The following AP4B1 variants were observed in gnomAD, a reference collection of about 807,000 sequenced individuals.
AP4B1 encodes adaptor related protein complex 4 subunit beta 1.
AP4B1 carries 49 observed loss-of-function variants against 76.5 expected under a neutral mutation model. The ratio of observed to expected loss-of-function variants is 0.64; its 90% confidence interval spans 0.51 to 0.81. The LOEUF (loss-of-function observed/expected upper bound fraction) is 0.81, where lower values mean the gene tolerates loss of function less well. AP4B1 is among the 40% of genes least tolerant of loss of function. The probability of loss-of-function intolerance (pLI) is 0.00; values close to 1 mark genes in which losing one functional copy is unlikely to be tolerated. For synonymous variants in AP4B1, 330 were observed against 333.3 expected (o/e 0.99, Z 0.11); for missense variants, 911 against 904.9 (o/e 1.01, Z -0.09).
chr1:113,895,927 G>A lies in AP4B1; in HGVS notation c.1622C>T (p.Thr541Ile). 2 of 1,614,216 alleles carry A rather than the reference G, an allele frequency of 1.2e-6. No individual in the cohort carries two copies. Among genetic ancestry groups the A allele is most frequent in the South Asian group, 1.1e-5 (1 of 91,086 alleles). ...TGCCGGATCCTCCAAAAGTCCAAGA[G>A]TAGGGTCAGATTTAGGGCTACACAG... ...RILCSPKSDP[T>I]LGLLEDPAER... Residue 541 changes from threonine to isoleucine, a missense_variant, in exon 9 of 10, where the codon ACT (threonine) becomes ATT (isoleucine). Transcript: ENST00000369569.
chr1:113,896,002 A>G lies in AP4B1; in HGVS notation c.1547T>C (p.Leu516Pro). 1 of 1,614,260 alleles carries G rather than the reference A, an allele frequency of 6.2e-7. No individual in the cohort carries two copies. The highest frequency in any genetic ancestry group is 8.5e-7 in the Non-Finnish European group (1 of 1,180,040). Residue 516 changes from leucine (L) to proline (P), a missense_variant, in exon 9 of 10, where the codon CTC (leucine) becomes CCC (proline). By Grantham distance (98) the Leu-to-Pro change is moderately conservative. Transcript: ENST00000369569. ...EKDMAVRDRGLFYYRLLLVGI... is the reference protein window; with the variant it reads ...EKDMAVRDRGPFYYRLLLVGI... The stretch of plus-strand genomic sequence containing the variant: ...AACTAAGAGGAGGCGATAATAGAAG[A>G]GACCTCGGTCCCGTACAGCCATATC...
Position 113,896,357 on chromosome 1 carries a change from C to G in AP4B1, c.1411G>C (p.Ala471Pro), listed in dbSNP as rs1667463987. Residue 471 changes from alanine (A) to proline (P), a missense_variant, in exon 8 of 10, where the codon GCT (alanine) becomes CCT (proline). Coordinates refer to ENST00000369569, the MANE Select transcript of AP4B1 (RefSeq NM_001253852.3). ...VENVKSETFP[A>P]VKMELLTALL... ...GCAGTGAGCAGCTCCATCTTAACAGCTGGAAATGTTTCCGACTTCACATTC... is the reference window on the plus strand; with the variant it reads ...GCAGTGAGCAGCTCCATCTTAACAGGTGGAAATGTTTCCGACTTCACATTC... 1.2e-6 allele frequency: 2 copies of G among 1,614,226 alleles called. No homozygotes were observed. Among genetic ancestry groups the G allele is most frequent in the Non-Finnish European group, 1.7e-6 (2 of 1,180,030 alleles).
intron 5 of AP4B1, chr1:113,899,487 A>G (rs1220139807): frequency 4.3e-6 from 2 of 466,512 alleles, no homozygotes; most frequent in Non-Finnish European, 6.1e-6. Context: ...TCCCATTTCT[A>G]AAACTATGTG....
At chr1:113,899,247 C>A (rs1571555149) in intron 5 of AP4B1, 4 of 1,018,874 alleles carry the variant, frequency 3.9e-6, no homozygotes, top group Non-Finnish European at 3.5e-6. Context: ...ATGAGGGTTG[C>A]TCCTCCTCCT....
rs2101026311 is a variant in AP4B1, at chr1:113,900,156, C to G, written c.862G>C (p.Glu288Gln). 1 of 1,614,218 alleles carries G rather than the reference C, an allele frequency of 6.2e-7. No homozygotes were observed. Among genetic ancestry groups the G allele is most frequent in the East Asian group, 2.2e-5 (1 of 44,896 alleles). Residue 288 changes from glutamate to glutamine, a missense_variant, in exon 5 of 10, where the codon GAG (glutamate) becomes CAG (glutamine). By Grantham distance (29) the Glu-to-Gln change is conservative. Coordinates refer to ENST00000369569, the MANE Select transcript of AP4B1 (RefSeq NM_001253852.3). ...GCAACAAAACAGAGCTCACGGCTCTCTGAAGAACAGGCAGCTAGCAAAGGT... is the reference window on the plus strand; with the variant it reads ...GCAACAAAACAGAGCTCACGGCTCTGTGAAGAACAGGCAGCTAGCAAAGGT... ...KGPLLAACSS[E>Q]SRELCFVALC...
At position 113,900,372 on chromosome 1, in the gene AP4B1, C is replaced by T; in HGVS notation, c.646G>A (p.Ala216Thr). 1.9e-6 allele frequency: 3 copies of T among 1,612,816 alleles called. No individual in the cohort carries two copies. Among genetic ancestry groups the T allele is most frequent in the Admixed American group, 1.7e-5 (1 of 59,416 alleles). Reference sequence around the variant, plus strand: ...CGTAGCAGAAAGTTCAATACTTCAGCCTGGCCCCATTGGTCCAGTTTTGAC... The same window carrying T: ...CGTAGCAGAAAGTTCAATACTTCAGTCTGGCCCCATTGGTCCAGTTTTGAC... ...RMSKLDQWGQ[A>T]EVLNFLLRYQ... Residue 216 changes from alanine (A) to threonine (T), a missense_variant, in exon 5 of 10, where the codon GCT (alanine) becomes ACT (threonine). Physicochemically the swap from Ala to Thr is moderately conservative, Grantham distance 58. Coordinates refer to ENST00000369569, the MANE Select transcript of AP4B1 (RefSeq NM_001253852.3).
rs753402898 is a variant in AP4B1 at position 113,901,348 on chromosome 1, G to A, written c.505C>T (p.Arg169Cys). ...ACAACTACAATTGGATCCTGGTCAC[G>A]CAGCAAACTGTATAATTCATTTACC... ...ALVNELYSLLRDQDPIVVVNC... is the reference protein window; with the variant it reads ...ALVNELYSLLCDQDPIVVVNC... Residue 169 changes from arginine to cysteine, a missense_variant, in exon 4 of 10, where the codon CGT becomes TGT. Physicochemically the swap from Arg to Cys is radical, Grantham distance 180. Coordinates refer to ENST00000369569, the MANE Select transcript of AP4B1 (RefSeq NM_001253852.3). 5 of 1,613,866 alleles carry A rather than the reference G, an allele frequency of 3.1e-6. No homozygotes were observed. The highest frequency in any genetic ancestry group is 1.3e-5 in the African/African-American group (1 of 74,880).
rs759495705 is a variant in AP4B1 at position 113,895,846 on chromosome 1, C to T, written c.1703G>A (p.Gly568Asp). 11 of 1,614,222 alleles carry T rather than the reference C, an allele frequency of 6.8e-6. No homozygotes were observed. The highest frequency in any genetic ancestry group is 9.3e-6 in the Non-Finnish European group (11 of 1,180,038). Reference sequence around the variant, plus strand: ...AGAGATAGTTGCCCAGTGGGCTTTGCCATACACTGGCACCAGTGTGTTGAA... The same window carrying T: ...AGAGATAGTTGCCCAGTGGGCTTTGTCATACACTGGCACCAGTGTGTTGAA... ...SDFNTLVPVY[G>D]KAHWATISKC... Residue 568 changes from glycine to aspartate, a missense_variant, in exon 9 of 10, where the codon GGC becomes GAC. By Grantham distance (94) the Gly-to-Asp change is moderately conservative (BLOSUM62 -1). Transcript: ENST00000369569.
intron 9 of AP4B1, 88 bp downstream of exon 9, chr1:113,895,669 G>A: frequency 1.3e-6 from 2 of 1,576,540 alleles, no homozygotes; most frequent in Non-Finnish European, 1.7e-6. Flanking sequence ...ACAGTCTGAG[G>A]TTTAGTGCTA....
At position 113,895,443 on chromosome 1, in the gene AP4B1, A is replaced by T; in HGVS notation, c.1842T>A (p.Asp614Glu). 1 of 1,614,246 alleles carries T rather than the reference A, an allele frequency of 6.2e-7. No homozygotes were observed. The highest frequency in any genetic ancestry group is 1.1e-5 in the South Asian group (1 of 91,088). ...TGGGGACTAGCATGAGGGCTCCAGA[A>T]TCAGGGAGTTCTTGTACCCTCTCCT... ...ENKERVQELP[D>E]SGALMLVPNR... Residue 614 changes from aspartate to glutamate, a missense_variant, in exon 10 of 10, where the codon GAT becomes GAA. Asp to Glu is a conservative substitution (Grantham distance 45, BLOSUM62 2). Transcript: ENST00000369569.
At chr1:113,902,921 G>T (rs576657104) in intron 1 of AP4B1, 59 bp from the exon 2 acceptor site, 5 of 1,511,140 alleles carry the variant, frequency 3.3e-6, no homozygotes, top group African/African-American at 1.4e-5. Flanking sequence ...TACAATGGAG[G>T]GAGTTTTACT....
intron 7 of AP4B1, 163 bp from the exon 8 acceptor site, chr1:113,896,628 A>G (rs1454898761): frequency 9.1e-6 from 6 of 661,430 alleles, no homozygotes; most frequent in Non-Finnish European, 1.6e-5. Context: ...TATACTCTCT[A>G]CAACAAATAG....
intron 6 of AP4B1, 64 bp downstream of exon 6, chr1:113,898,654 G>A: frequency 8.3e-7 from 1 of 1,203,934 alleles, no homozygotes; most frequent in Non-Finnish European, 1.2e-6. Flanking sequence ...AACATGTTTT[G>A]AGCAACTACT....
chr1:113,898,245 A>T (rs377292950), intron 6 of AP4B1, among the ~76,000 whole-genome samples: 2 of 152,248 alleles, frequency 1.3e-5, no homozygotes, highest in African/African-American at 4.8e-5. Flanking sequence ...CACTAAAGAC[A>T]GTATAAATAG....
At chr1:113,897,759 A>T (rs1571545096) in intron 7 of AP4B1, 81 bp downstream of exon 7, 1 of 1,456,132 alleles carries the variant, frequency 6.9e-7, no homozygotes, top group East Asian at 2.3e-5. Context: ...CAGGGTAGAG[A>T]GAATAATTAG....
chr1:113,898,950 G>A, intron 5 of AP4B1, 149 bp from the exon 6 acceptor site: 1 of 913,850 alleles, frequency 1.1e-6, no homozygotes, highest in Non-Finnish European at 1.6e-6. Flanking sequence ...GATGAACTAA[G>A]AATATAAGTT....
At position 113,896,298 on chromosome 1, in the gene AP4B1, C is replaced by G; in HGVS notation, c.1470G>C (p.Glu490Asp). 6.2e-7 allele frequency: 1 copy of G among 1,614,212 alleles called. No homozygotes were observed. The highest frequency in any genetic ancestry group is 8.5e-7 in the Non-Finnish European group (1 of 1,180,036). ...LLRLFLSRPA[E>D]CQDMLGRLLY... ...ACAAACGTCCTAGCATGTCCTGGCA[C>G]TCAGCAGGTCGGGAGAGGAAAAGGC... Residue 490 changes from glutamate (E) to aspartate (D), a missense_variant, in exon 8 of 10, where the codon GAG (glutamate) becomes GAC (aspartate). Physicochemically the swap from Glu to Asp is conservative, Grantham distance 45. Coordinates refer to ENST00000369569, the MANE Select transcript of AP4B1 (RefSeq NM_001253852.3).
At position 113,899,586 on chromosome 1, in the gene AP4B1, G is replaced by C. The variant is rs1040422764; in HGVS notation, c.1114+318C>G. Among the ~76,000 whole-genome samples the C allele has an allele frequency of 3.9e-5, 6 of 152,104 alleles. No individual in the cohort carries two copies. In the East Asian group the frequency reaches 1.2e-3, roughly 29 times the overall value. On this transcript the variant is annotated intron_variant, in intron 5 of 9. Transcript: ENST00000369569. ...TGACATTTGTCTACTTTTCCTGACTGTCTCACGATACTGTGGTAAGATGAT... is the reference window on the plus strand; with the variant it reads ...TGACATTTGTCTACTTTTCCTGACTCTCTCACGATACTGTGGTAAGATGAT...
chr1:113,904,260 G>A (rs2101054226), intron 1 of AP4B1, among the ~76,000 whole-genome samples: 1 of 152,266 alleles, frequency 6.6e-6, no homozygotes, highest in South Asian at 2.1e-4. Context: ...AGAATGTCCG[G>A]GCTATTTCGG....
Sources: allele counts gnomAD v4.1 joint callset (sites outside exome capture counted in the v4.1 genomes callset), GRCh38; gene constraint gnomAD v4.1.1; transcripts MANE v1.5; gene names NCBI Gene and HGNC (gene_info 2026-07-23, HGNC 2026-07-21).